The following ZNF33A variants were observed in gnomAD, a reference collection of about 807,000 sequenced individuals.
ZNF33A encodes zinc finger protein 33A.
A neutral mutation model predicts 15.9 loss-of-function variants in ZNF33A; 9 were observed. That is an observed-to-expected ratio of 0.57 (90% CI 0.34 to 0.99). The LOEUF is 0.99. Among genes scored for constraint, ZNF33A ranks in the 50% least tolerant of loss-of-function variants. The pLI is 0.02. For missense variants in ZNF33A, 843 were observed against 941.6 expected (o/e 0.90, Z 1.37); for synonymous variants, 294 against 324.2 (o/e 0.91, Z 1.00).
chr10:38,063,349 C>T (rs1479433349), downstream of ZNF33A, among the ~76,000 whole-genome samples: 1 of 152,064 alleles, frequency 6.6e-6, no homozygotes, highest in Admixed American at 6.5e-5. Context: ...GGTGTATTCT[C>T]GGAAGGTACC....
At chr10:38,012,425 GTTTTTTTTT>G (rs10716292) in intron 2 of ZNF33A, 75 bp downstream of exon 2, 5 of 529,790 alleles carry the variant, frequency 9.4e-6, no homozygotes, top group Non-Finnish European at 1.4e-5. Context: ...TATGGTGTTT[GTTTTTTTTT>G]TTTTTTTTTT....
intron 4 of ZNF33A, among the ~76,000 whole-genome samples, chr10:38,049,690 T>A (rs955425279): frequency 6.6e-6 from 1 of 152,040 alleles, no homozygotes; most frequent in Non-Finnish European, 1.5e-5. Context: ...ACTTCCACTT[T>A]GAGAATGTAG....
downstream of ZNF33A, among the ~76,000 whole-genome samples, chr10:38,065,302 C>T (rs925399852): frequency 5.3e-5 from 8 of 152,082 alleles, no homozygotes. Flanking sequence ...GAACTCCTGA[C>T]CTTGGATGAT....
At position 38,058,157 on chromosome 10, in the gene ZNF33A, A is replaced by C; in HGVS notation, c.*1597A>C. 1.4e-6 allele frequency: 1 copy of C among 719,020 alleles called. No homozygotes were observed. Among genetic ancestry groups the C allele is most frequent in the South Asian group, 6.2e-5 (1 of 16,010 alleles). 44.5% of individuals were successfully genotyped at this position (719,020 alleles called of 1,614,324 possible). On this transcript the variant is annotated 3_prime_UTR_variant, in exon 5 of 5. Transcript: ENST00000432900. Reference sequence around the variant, plus strand: ...AACCTGAAAAAACATTAGAGTAAAAATCATTGAAATTGAAAAGAGAAAATC... The same window carrying C: ...AACCTGAAAAAACATTAGAGTAAAACTCATTGAAATTGAAAAGAGAAAATC...
intron 1 of ZNF33A, 116 bp downstream of exon 1, chr10:38,010,899 A>AGGCGGGGAC: frequency 7.7e-7 from 1 of 1,304,782 alleles, no homozygotes; most frequent in Non-Finnish European, 1.1e-6. Context: ...TCATAGGGGA[A>AGGCGGGGAC]GGCGGGGACG....
chr10:38,010,589 G>T, upstream of ZNF33A: 1 of 988,522 alleles, frequency 1.0e-6, no homozygotes, highest in Non-Finnish European at 1.6e-6. Context: ...CGGCCTCACG[G>T]GAAAGGTAGT....
In ZNF33A at chr10:38,013,408, C is replaced by T. The variant is rs1214419461; in HGVS notation, c.9+1058C>T. On this transcript the variant is annotated intron_variant, in intron 2 of 4. Coordinates refer to ENST00000432900, the MANE Select transcript of ZNF33A (RefSeq NM_006954.2). ...ACAGGCGTGAGCCACTGCACCCAGCCGGTAAATTAAAATGTATTTTATTAT... is the reference window on the plus strand; with the variant it reads ...ACAGGCGTGAGCCACTGCACCCAGCTGGTAAATTAAAATGTATTTTATTAT... 4.6e-5 allele frequency among the ~76,000 whole-genome samples: 7 copies of T among 151,714 alleles called. No individual in the cohort carries two copies. In the South Asian group the frequency reaches 1.2e-3, roughly 27 times the overall value.
intron 4 of ZNF33A, among the ~76,000 whole-genome samples, chr10:38,031,587 G>GA (rs527860734): frequency 1.7e-3 from 202 of 119,542 alleles, no homozygotes; most frequent in Middle Eastern, 4.9e-3. Flanking sequence ...AAAAAGAAAA[G>GA]AAAAAAAAAA....
intron 4 of ZNF33A, among the ~76,000 whole-genome samples, chr10:38,028,147 G>A (rs1477722052): frequency 6.6e-6 from 1 of 151,910 alleles, no homozygotes; most frequent in Admixed American, 6.6e-5. Flanking sequence ...ATGCGCTTGT[G>A]GTTCCAGCTA....
chr10:38,030,095 G>A (rs2065149104), intron 4 of ZNF33A, among the ~76,000 whole-genome samples: 1 of 152,150 alleles, frequency 6.6e-6, no homozygotes, highest in Admixed American at 6.6e-5. Context: ...CCTTATAAAA[G>A]TGATAATACA....
intron 4 of ZNF33A, among the ~76,000 whole-genome samples, chr10:38,035,116 T>C (rs980357583): frequency 2.2e-5 from 3 of 134,528 alleles, no homozygotes; most frequent in African/African-American, 8.4e-5. Flanking sequence ...ACTTTCTTTT[T>C]TTTTTTTTTT....
At chr10:38,039,776 T>C (rs984043917) in intron 4 of ZNF33A, among the ~76,000 whole-genome samples, 2 of 152,070 alleles carry the variant, frequency 1.3e-5, no homozygotes, top group African/African-American at 4.8e-5. Flanking sequence ...TCTCTCTTTT[T>C]TTTCTTTTTC....
intron 4 of ZNF33A, among the ~76,000 whole-genome samples, chr10:38,027,476 G>C (rs662082): frequency 6.6e-6 from 1 of 151,972 alleles, no homozygotes; most frequent in African/African-American, 2.4e-5. Context: ...CATTCATCCT[G>C]CTGAGGGGAC....
chr10:38,020,675 T>C (rs1014979399), intron 4 of ZNF33A, among the ~76,000 whole-genome samples: 10 of 152,244 alleles, frequency 6.6e-5, no homozygotes, highest in African/African-American at 2.2e-4. Flanking sequence ...CTCATTCTCT[T>C]TTATGGCTGA....
At chr10:38,010,570 C>T (rs564315704), upstream of ZNF33A, 1 of 854,988 alleles carries the variant, frequency 1.2e-6, no homozygotes, top group East Asian at 2.4e-5. Context: ...ATCCGAAGGG[C>T]TGCTCGCCCG....
downstream of ZNF33A, among the ~76,000 whole-genome samples, chr10:38,067,547 A>G (rs1324268627): frequency 6.6e-6 from 1 of 152,208 alleles, no homozygotes; most frequent in Non-Finnish European, 1.5e-5. Flanking sequence ...GTGGATTCAC[A>G]TCTGTGATTC....
intron 4 of ZNF33A, among the ~76,000 whole-genome samples, chr10:38,023,603 A>G (rs1405686821): frequency 6.6e-6 from 1 of 152,206 alleles, no homozygotes; most frequent in Non-Finnish European, 1.5e-5. Context: ...CATTGAGAGG[A>G]TCTTCCTCAA....
At chr10:38,062,217 G>A (rs1050258190), downstream of ZNF33A, among the ~76,000 whole-genome samples, 5 of 152,110 alleles carry the variant, frequency 3.3e-5, no homozygotes, top group Non-Finnish European at 5.9e-5. Flanking sequence ...GGCCCTCACC[G>A]GATACTCACC....
At chr10:38,064,351 T>TG, downstream of ZNF33A, 1 of 479,726 alleles carries the variant, frequency 2.1e-6, no homozygotes. Flanking sequence ...CTGGCACTGC[T>TG]GGGGACTCAC....
Sources: gnomAD v4.1 joint callset for allele counts (sites outside exome capture counted in the v4.1 genomes callset) on GRCh38, gnomAD v4.1.1 for gene constraint, MANE v1.5 for transcripts, NCBI Gene and HGNC (gene_info 2026-07-23, HGNC 2026-07-21) for gene names.